FARSB: variants seen among roughly 807,000 people sequenced by gnomAD.
FARSB encodes phenylalanine--tRNA ligase beta subunit.
Under a neutral mutation model 69.6 loss-of-function variants are expected in FARSB, and 40 were observed. The ratio of observed to expected loss-of-function variants is 0.57; its 90% CI spans 0.45 to 0.75. The LOEUF is 0.75. Ranked by LOEUF, FARSB falls within the 30% of genes least tolerant of loss-of-function variation. FARSB has a pLI of 0.00. For missense variants in FARSB, 632 were observed against 722.9 expected, an observed-to-expected ratio of 0.87 and a Z score of 1.44; for synonymous variants, 235 against 247.2, an observed-to-expected ratio of 0.95 and a Z score of 0.46.
intron 15 of FARSB, among the ~76,000 whole-genome samples, chr2:222,609,440 TCTG>T (rs1309247878): frequency 1.3e-5 from 2 of 152,222 alleles, no homozygotes; most frequent in East Asian, 3.8e-4. Context: ...CAATGCTGCG[TCTG>T]CTGACTTCCT....
At chr2:222,649,234 T>TCAAAAAAAAAA (rs1691959340) in intron 1 of FARSB, among the ~76,000 whole-genome samples, 1 of 88,298 alleles carries the variant, frequency 1.1e-5, no homozygotes, top group Non-Finnish European at 2.1e-5. Flanking sequence ...CTCAAAAAAT[T>TCAAAAAAAAAA]AAAAAAAAAA....
rs1691483295 is a variant in FARSB, at chr2:222,633,228, A to G, written c.686T>C (p.Val229Ala). ...GATGATGGGAGGCATTGAAAGGACG[A>G]CACCATTGCTATCATAGATAACTGG... ...LYPVIYDSNG[V>A]VLSMPPIING... Residue 229 changes from valine to alanine, a missense_variant, in exon 7 of 17, where the codon GTC becomes GCC. Physicochemically the swap from Val to Ala is moderately conservative, Grantham distance 64. Transcript: ENST00000281828. 1.3e-6 allele frequency: 2 copies of G among 1,568,776 alleles called. No homozygotes were observed. Among genetic ancestry groups the G allele is most frequent in the Non-Finnish European group, 1.8e-6 (2 of 1,139,630 alleles).
rs747127277 is a variant in FARSB, at chr2:222,613,804, T to C, written c.1462+7A>G. 6.8e-6 allele frequency: 10 copies of C among 1,468,620 alleles called. No homozygotes were observed. Among genetic ancestry groups the C allele is most frequent in the Non-Finnish European group, 8.6e-6 (9 of 1,047,874 alleles). 91.0% of individuals were successfully genotyped at this position (1,468,620 alleles called of 1,614,324 possible). ...CACAAATCAAATCAAAGGTGACTTA[T>C]TCTTACCTGTATTAGAATCTTTTAT... On this transcript the variant is annotated splice_region_variant and intron_variant, in intron 15 of 16. Coordinates refer to ENST00000281828, the MANE Select transcript of FARSB (RefSeq NM_005687.5).
chr2:222,603,862 A>C (rs1449412357), intron 15 of FARSB, among the ~76,000 whole-genome samples: 2 of 151,902 alleles, frequency 1.3e-5, no homozygotes, highest in Non-Finnish European at 2.9e-5. Context: ...TTTAAATGAA[A>C]ACAAACAATA....
At chr2:222,574,318 A>G (rs539789931) in intron 16 of FARSB, among the ~76,000 whole-genome samples, 1 of 152,374 alleles carries the variant, frequency 6.6e-6, no homozygotes, top group South Asian at 2.1e-4. Context: ...CCCTCTTTCC[A>G]AAGAAAAGCA....
rs990688888 is a variant in FARSB at position 222,629,011 on chromosome 2, C to A, written c.849-123G>T. On this transcript the variant is annotated intron_variant, in intron 9 of 16. Transcript: ENST00000281828. ...TACAGCCTCAACATACTCCATCTAT[C>A]GCATTCCAGCACTGTTTGGATTGAT... 6 of 699,800 alleles carry A rather than the reference C, an allele frequency of 8.6e-6. No homozygotes were observed. The Admixed American group carries it at 1.1e-4, about 13-fold the overall frequency. 43.3% of individuals were successfully genotyped at this position (699,800 alleles called of 1,614,324 possible).
chr2:222,651,576 T>C (rs1395883278), intron 1 of FARSB, among the ~76,000 whole-genome samples: 1 of 152,146 alleles, frequency 6.6e-6, no homozygotes, highest in Non-Finnish European at 1.5e-5. Context: ...TTATAAAGAA[T>C]GCACCTCATA....
In FARSB at chr2:222,634,501, TG is replaced by T; in HGVS notation, c.495del (p.Asp165GlufsTer22). The part of the protein sequence containing the change: ...ALVAIGTHDL[D>X]TLSGPFTYTA... ...GTATAAGTAAATGGGCCCGACAAAG[TG>T]TCCAAATCATGGGTACCAATGGCAA... On this transcript the variant is annotated frameshift_variant, in exon 6 of 17. Coordinates refer to ENST00000281828, the MANE Select transcript of FARSB (RefSeq NM_005687.5). LOFTEE classifies it high-confidence loss of function. 1 of 1,613,418 alleles carries T rather than the reference TG, an allele frequency of 6.2e-7. No individual in the cohort carries two copies. The highest frequency in any genetic ancestry group is 8.5e-7 in the Non-Finnish European group (1 of 1,179,594).
intron 16 of FARSB, among the ~76,000 whole-genome samples, chr2:222,581,847 G>A (rs559741918): frequency 9.2e-5 from 14 of 152,284 alleles, no homozygotes; most frequent in African/African-American, 2.6e-4. Context: ...ATTTGCTCAC[G>A]GCAAGGGAAA....
At chr2:222,575,843 G>A (rs1689826536) in intron 16 of FARSB, among the ~76,000 whole-genome samples, 1 of 152,166 alleles carries the variant, frequency 6.6e-6, no homozygotes, top group Non-Finnish European at 1.5e-5. Context: ...GACCTTGGGG[G>A]TAATTCCTGG....
intron 15 of FARSB, among the ~76,000 whole-genome samples, chr2:222,605,809 T>C (rs968242524): frequency 1.3e-5 from 2 of 152,168 alleles, no homozygotes; most frequent in African/African-American, 4.8e-5. Flanking sequence ...TGGTGTCATA[T>C]GCCTGTAGTC....
At chr2:222,629,857 C>T (rs1363480916) in intron 9 of FARSB, among the ~76,000 whole-genome samples, 1 of 152,174 alleles carries the variant, frequency 6.6e-6, no homozygotes, top group Non-Finnish European at 1.5e-5. Flanking sequence ...CCTCCTGCCT[C>T]AGTCTCCCCA....
chr2:222,653,431 G>GA (rs60746293), intron 1 of FARSB, among the ~76,000 whole-genome samples: 5,694 of 144,722 alleles, frequency 0.039, 162 homozygotes, highest in African/African-American at 0.081. Context: ...GAAGACTGGG[G>GA]AAAAAAAAAA....
At chr2:222,601,876 C>T (rs1266561378) in intron 15 of FARSB, among the ~76,000 whole-genome samples, 1 of 152,136 alleles carries the variant, frequency 6.6e-6, no homozygotes, top group African/African-American at 2.4e-5. Flanking sequence ...GTTGCCCAGG[C>T]TGGTCTCAAA....
At chr2:222,575,243 C>T (rs1169343092) in intron 16 of FARSB, among the ~76,000 whole-genome samples, 2 of 152,144 alleles carry the variant, frequency 1.3e-5, no homozygotes, top group Non-Finnish European at 2.9e-5. Flanking sequence ...AGAGTATTTC[C>T]AGAAATAAAA....
intron 1 of FARSB, among the ~76,000 whole-genome samples, chr2:222,653,610 A>G (rs974492599): frequency 6.6e-6 from 1 of 151,862 alleles, no homozygotes; most frequent in Non-Finnish European, 1.5e-5. Flanking sequence ...TCAATAAATA[A>G]CATCAATCCT....
At chr2:222,636,974 C>T (rs955019710) in intron 5 of FARSB, among the ~76,000 whole-genome samples, 1 of 151,966 alleles carries the variant, frequency 6.6e-6, no homozygotes, top group Admixed American at 6.6e-5. Flanking sequence ...AAAGCTGCTA[C>T]TAAAAAATGT....
At chr2:222,616,286 C>T (rs1328406923) in intron 14 of FARSB, among the ~76,000 whole-genome samples, 2 of 151,848 alleles carry the variant, frequency 1.3e-5, no homozygotes, top group Non-Finnish European at 2.9e-5. Flanking sequence ...CGAACTCAAA[C>T]TGTTAAAAAA....
At chr2:222,574,848 A>T (rs921733410) in intron 16 of FARSB, among the ~76,000 whole-genome samples, 2 of 152,258 alleles carry the variant, frequency 1.3e-5, no homozygotes, top group Non-Finnish European at 2.9e-5. Flanking sequence ...GTACGCACAT[A>T]AAAGCTCCTT....
Sources: allele counts gnomAD v4.1 joint callset (sites outside exome capture counted in the v4.1 genomes callset), GRCh38; gene constraint gnomAD v4.1.1; transcripts MANE v1.5; gene names NCBI Gene and HGNC (gene_info 2026-07-23, HGNC 2026-07-21).